The following ELF2 variants were observed in gnomAD, a reference collection of about 807,000 sequenced individuals.
The protein encoded by ELF2 is ETS-related transcription factor Elf-2.
ELF2 carries 11 observed loss-of-function variants against 54.8 expected under a neutral mutation model. The observed-to-expected ratio is 0.20, with a 90% CI of 0.13 to 0.33. The LOEUF (loss-of-function observed/expected upper bound fraction) is 0.33, where lower values mean the gene tolerates loss of function less well. Among genes scored for constraint, ELF2 ranks in the 10% least tolerant of loss-of-function variants. The pLI, the probability that ELF2 is intolerant of heterozygous loss-of-function variation, is 1.00. For missense variants in ELF2, 513 were observed against 703.0 expected, an observed-to-expected ratio of 0.73 and a Z score of 3.06; for synonymous variants, 203 against 245.1, an observed-to-expected ratio of 0.83 and a Z score of 1.61.
intron 1 of ELF2, among the ~76,000 whole-genome samples, chr4:139,172,495 C>G (rs971735287): frequency 6.6e-6 from 1 of 152,270 alleles, no homozygotes; most frequent in Middle Eastern, 3.4e-3. Context: ...TCTCAGCTAT[C>G]AGATCAACTA....
intron 3 of ELF2, among the ~76,000 whole-genome samples, chr4:139,127,301 C>G (rs1471684358): frequency 1.3e-5 from 2 of 152,148 alleles, no homozygotes; most frequent in East Asian, 3.9e-4. Flanking sequence ...CAATACCCAG[C>G]CCATACCATA....
chr4:139,079,368 T>C (rs1043257301), intron 4 of ELF2, among the ~76,000 whole-genome samples: 1 of 152,220 alleles, frequency 6.6e-6, no homozygotes, highest in Non-Finnish European at 1.5e-5. Context: ...CATCTATACA[T>C]AGCTCCTAAC....
chr4:139,157,487 A>C (rs1426782469), intron 1 of ELF2, among the ~76,000 whole-genome samples: 1 of 152,064 alleles, frequency 6.6e-6, no homozygotes. Flanking sequence ...CTGCAGCCTC[A>C]ACCTCCTGGG....
intron 7 of ELF2, chr4:139,066,415 C>A (rs1224608049): frequency 1.3e-5 from 2 of 151,268 alleles, no homozygotes; most frequent in Admixed American, 6.6e-5. Flanking sequence ...TGGGACAAGC[C>A]TGGGCAAAAC....
At position 139,091,413 on chromosome 4, in the gene ELF2, T is replaced by C. The variant is rs367993048; in HGVS notation, c.239-17846A>G. On this transcript the variant is annotated intron_variant, in intron 4 of 9. Transcript: ENST00000686138. ...ACAAGCTCAGCATTTGATTCACAGA[T>C]GGAAAAAGCAACATAGCAAACCTAA... Among the ~76,000 whole-genome samples, 16 of 152,126 alleles carry C rather than the reference T, an allele frequency of 1.1e-4. No individual in the cohort carries two copies. The East Asian group carries it at 3.1e-3, about 29-fold the overall frequency.
At chr4:139,080,105 A>G (rs1730889225) in intron 4 of ELF2, among the ~76,000 whole-genome samples, 1 of 152,228 alleles carries the variant, frequency 6.6e-6, no homozygotes, top group Admixed American at 6.5e-5. Flanking sequence ...ATAGTTATCA[A>G]GAACATTCTG....
chr4:139,097,697 T>C (rs1370810953), intron 4 of ELF2, among the ~76,000 whole-genome samples: 1 of 152,158 alleles, frequency 6.6e-6, no homozygotes, highest in Non-Finnish European at 1.5e-5. Flanking sequence ...AACATTTTCA[T>C]TTCTTTTTTG....
chr4:139,094,002 G>A (rs1732973716), intron 4 of ELF2, among the ~76,000 whole-genome samples: 1 of 150,026 alleles, frequency 6.7e-6, no homozygotes, highest in African/African-American at 2.5e-5. Context: ...GGGTTCGAGC[G>A]ATTCTTCTGC....
chr4:139,102,637 T>C (rs1304763710), intron 4 of ELF2, among the ~76,000 whole-genome samples: 1 of 151,010 alleles, frequency 6.6e-6, no homozygotes, highest in Non-Finnish European at 1.5e-5. Context: ...GGTCAGGAGT[T>C]TTAGACCAGC....
At chr4:139,074,169 T>A (rs1729937811) in intron 4 of ELF2, among the ~76,000 whole-genome samples, 1 of 151,994 alleles carries the variant, frequency 6.6e-6, no homozygotes, top group African/African-American at 2.4e-5. Context: ...AGTTTCTGAA[T>A]CTTACTCAAA....
chr4:139,103,713 C>T (rs1273696982), intron 4 of ELF2, among the ~76,000 whole-genome samples: 2 of 152,206 alleles, frequency 1.3e-5, no homozygotes, highest in Non-Finnish European at 2.9e-5. Flanking sequence ...AGTGTCAGAA[C>T]TGAATTGAAT....
intron 4 of ELF2, among the ~76,000 whole-genome samples, chr4:139,074,760 A>AT (rs59386061): frequency 1.8e-5 from 2 of 112,442 alleles, no homozygotes; most frequent in African/African-American, 5.8e-5. Flanking sequence ...ACACTGTCTC[A>AT]AAAAAAAAAA....
chr4:139,138,242 C>T (rs1453105377), intron 2 of ELF2, among the ~76,000 whole-genome samples: 3 of 152,104 alleles, frequency 2.0e-5, no homozygotes, highest in South Asian at 2.1e-4. Context: ...CATGGTGAAA[C>T]CCCACCTTTA....
At chr4:139,099,555 A>C (rs1181016640) in intron 4 of ELF2, among the ~76,000 whole-genome samples, 2 of 152,208 alleles carry the variant, frequency 1.3e-5, no homozygotes, top group Non-Finnish European at 2.9e-5. Context: ...CAGTCACAGA[A>C]GTACACAACT....
At chr4:139,127,151 G>A (rs945509418) in intron 3 of ELF2, among the ~76,000 whole-genome samples, 1 of 152,266 alleles carries the variant, frequency 6.6e-6, no homozygotes, top group Middle Eastern at 3.4e-3. Context: ...CTGCTGCCTG[G>A]ATCAGCTAAG....
chr4:139,151,032 A>AAAAGAAAGAAAGAAAGAAAGAAAGAAAG (rs71600182), intron 1 of ELF2, among the ~76,000 whole-genome samples: 14 of 102,528 alleles, frequency 1.4e-4, no homozygotes, highest in African/African-American at 3.0e-4. Context: ...TCAAAAAAAA[A>AAAAGAAAGAAAGAAAGAAAGAAAGAAAG]AAAGAAAGAA....
intron 6 of ELF2, among the ~76,000 whole-genome samples, chr4:139,068,315 G>T (rs558166439): frequency 1.3e-5 from 2 of 152,184 alleles, no homozygotes; most frequent in Non-Finnish European, 2.9e-5. Context: ...CACTGTACCC[G>T]GCCTTGCCAA....
At chr4:139,099,647 C>G (rs1405547173) in intron 4 of ELF2, among the ~76,000 whole-genome samples, 1 of 152,170 alleles carries the variant, frequency 6.6e-6, no homozygotes, top group Non-Finnish European at 1.5e-5. Context: ...CCATTTCATA[C>G]ACACACCTCT....
chr4:139,148,347 T>G (rs1462422374), intron 1 of ELF2, among the ~76,000 whole-genome samples: 1 of 131,176 alleles, frequency 7.6e-6, no homozygotes, highest in African/African-American at 2.9e-5. Flanking sequence ...TTTTTTTTTT[T>G]GTAGAGACAG....
Sources: allele counts gnomAD v4.1 joint callset (sites outside exome capture counted in the v4.1 genomes callset), GRCh38; gene constraint gnomAD v4.1.1; transcripts MANE v1.5; gene names NCBI Gene and HGNC (gene_info 2026-07-23, HGNC 2026-07-21).